The following NFIB variants were observed in gnomAD, a reference collection of about 807,000 sequenced individuals.
NFIB encodes nuclear factor 1 B-type.
Under a neutral mutation model 61.5 loss-of-function variants are expected in NFIB, and 11 were observed. The ratio of observed to expected loss-of-function variants is 0.18; its 90% CI spans 0.11 to 0.30. The LOEUF (loss-of-function observed/expected upper bound fraction) is 0.30, where lower values mean the gene tolerates loss of function less well. Among genes scored for constraint, NFIB ranks in the 10% least tolerant of loss-of-function variants. The pLI, the probability that NFIB is intolerant of heterozygous loss-of-function variation, is 1.00. For synonymous variants in NFIB, 260 were observed against 216.5 expected (o/e 1.20, Z -1.76); for missense variants, 471 against 608.9 (o/e 0.77, Z 2.38).
At chr9:14,361,412 A>AT (rs1345765875) in intron 1 of NFIB, 1 of 152,238 alleles carries the variant, frequency 6.6e-6, no homozygotes, top group Non-Finnish European at 1.5e-5. Context: ...TTCAAATATC[A>AT]TATTATTCTT....
the NFIB span, among the ~76,000 whole-genome samples, chr9:14,431,956 AGTAGCCACCAAATGGTGT>A: frequency 6.6e-6 from 1 of 152,214 alleles, no homozygotes; most frequent in Admixed American, 6.5e-5. Flanking sequence ...GGTTGGTGGA[AGTAGCCACCAAATGGTGT>A]GCCTGACTCA....
rs1318189619 is a variant in NFIB, at chr9:14,087,121, T to C, written c.*1188A>G. ...GGATTTGCCTGCCTCTTTGTCTCTA[T>C]AATGCAGATTTTATAGAACCTTTTG... On this transcript the variant is annotated 3_prime_UTR_variant, in exon 11 of 11. Transcript: ENST00000380953. The C allele has an allele frequency of 4.9e-6, 1 of 202,370 alleles. No individual in the cohort carries two copies. The highest frequency in any genetic ancestry group is 1.0e-5 in the Non-Finnish European group (1 of 98,170). 12.5% of individuals were successfully genotyped at this position (202,370 alleles called of 1,614,324 possible).
chr9:14,305,266 A>C (rs1430717825), intron 2 of NFIB, among the ~76,000 whole-genome samples: 1 of 152,216 alleles, frequency 6.6e-6, no homozygotes, highest in East Asian at 1.9e-4. Context: ...GCCTTCAAGC[A>C]ACTTAAAATG....
At chr9:14,512,559 A>G in the NFIB span, among the ~76,000 whole-genome samples, 3 of 152,192 alleles carry the variant, frequency 2.0e-5, no homozygotes, top group Non-Finnish European at 4.4e-5. Context: ...AAATAATAGA[A>G]GTCTTAACAT....
chr9:14,230,785 G>A (rs777675269), intron 2 of NFIB, among the ~76,000 whole-genome samples: 18 of 152,072 alleles, frequency 1.2e-4, no homozygotes, highest in Non-Finnish European at 2.2e-4. Context: ...TGAGAAACAA[G>A]TTTGGAAAGG....
intron 6 of NFIB, among the ~76,000 whole-genome samples, chr9:14,129,132 C>G (rs933335320): frequency 6.6e-6 from 1 of 151,956 alleles, no homozygotes; most frequent in Non-Finnish European, 1.5e-5. Flanking sequence ...GCAAAAGGAA[C>G]CACAAACTCT....
intron 1 of NFIB, among the ~76,000 whole-genome samples, chr9:14,355,867 G>A (rs915285987): frequency 2.0e-5 from 3 of 151,984 alleles, no homozygotes; most frequent in African/African-American, 4.8e-5. Flanking sequence ...TGAGGCAGGA[G>A]AATGGCATGA....
At chr9:14,402,469 A>G (rs1423430799), upstream of NFIB, among the ~76,000 whole-genome samples, 1 of 152,172 alleles carries the variant, frequency 6.6e-6, no homozygotes, top group Non-Finnish European at 1.5e-5. Context: ...AATAATTCTG[A>G]GTATTTTTTG....
At chr9:14,504,475 C>T in the NFIB span, among the ~76,000 whole-genome samples, 4 of 152,096 alleles carry the variant, frequency 2.6e-5, no homozygotes, top group Non-Finnish European at 1.5e-5. Flanking sequence ...GGATGTGTTT[C>T]CATTTGTTTG....
intron 2 of NFIB, among the ~76,000 whole-genome samples, chr9:14,257,907 G>A (rs934120508): frequency 1.3e-5 from 2 of 151,848 alleles, no homozygotes; most frequent in African/African-American, 2.4e-5. Flanking sequence ...TTTTTTTAAC[G>A]GACAAGGTTT....
chr9:14,479,820 G>T, the NFIB span, among the ~76,000 whole-genome samples: 1 of 152,112 alleles, frequency 6.6e-6, no homozygotes, highest in Non-Finnish European at 1.5e-5. Context: ...ACAGCTCTTT[G>T]TAAACACTAC....
chr9:14,268,852 G>A (rs550791451), intron 2 of NFIB, among the ~76,000 whole-genome samples: 1 of 152,260 alleles, frequency 6.6e-6, no homozygotes, highest in East Asian at 1.9e-4. Context: ...CACTGAATTA[G>A]ACATACCCAA....
At chr9:14,119,825 G>A (rs1363296478) in intron 8 of NFIB, among the ~76,000 whole-genome samples, 1 of 152,022 alleles carries the variant, frequency 6.6e-6, no homozygotes, top group East Asian at 1.9e-4. Context: ...TATGTCTAGG[G>A]GAGTGAGAAA....
At chr9:14,499,946 C>T in the NFIB span, among the ~76,000 whole-genome samples, 3 of 152,196 alleles carry the variant, frequency 2.0e-5, no homozygotes, top group Non-Finnish European at 4.4e-5. Context: ...TTAATGAGTG[C>T]TTCCTTGATG....
intron 1 of NFIB, among the ~76,000 whole-genome samples, chr9:14,340,067 G>C (rs1197359601): frequency 1.3e-5 from 2 of 152,208 alleles, no homozygotes; most frequent in Admixed American, 1.3e-4. Flanking sequence ...GTTGTCCAAA[G>C]TTCACCTTTC....
chr9:14,144,085 T>C (rs1250260244), intron 6 of NFIB, among the ~76,000 whole-genome samples: 1 of 151,236 alleles, frequency 6.6e-6, no homozygotes, highest in South Asian at 2.1e-4. Flanking sequence ...AAACATAATA[T>C]GCCTTTACAG....
chr9:14,346,294 C>CCCCG (rs1369069739), intron 1 of NFIB, among the ~76,000 whole-genome samples: 4 of 137,924 alleles, frequency 2.9e-5, no homozygotes, highest in East Asian at 2.0e-4. Flanking sequence ...ACCGACACCC[C>CCCCG]CCCCCCGTAA....
At chr9:14,277,491 A>G (rs1196134325) in intron 2 of NFIB, among the ~76,000 whole-genome samples, 1 of 152,242 alleles carries the variant, frequency 6.6e-6, no homozygotes, top group Non-Finnish European at 1.5e-5. Context: ...CAGACGCACA[A>G]GCATGTACTG....
Position 14,088,004 on chromosome 9 carries a change from A to C in NFIB, c.*305T>G. 2.6e-6 allele frequency: 1 copy of C among 383,962 alleles called. No homozygotes were observed. Among genetic ancestry groups the C allele is most frequent in the Non-Finnish European group, 4.3e-6 (1 of 231,542 alleles). The allele number at this position is 383,962 out of a possible 1,614,324, so 23.8% of individuals were successfully genotyped here. ...ATCTACCATCAGTGAAATATCATCG[A>C]CCCTTTTTATGTCATTACAGTTTCA... On this transcript the variant is annotated 3_prime_UTR_variant, in exon 11 of 11. Coordinates refer to ENST00000380953, the MANE Select transcript of NFIB (RefSeq NM_001190737.2).
Sources: gnomAD v4.1 joint callset for allele counts (sites outside exome capture counted in the v4.1 genomes callset) on GRCh38, gnomAD v4.1.1 for gene constraint, MANE v1.5 for transcripts, NCBI Gene and HGNC (gene_info 2026-07-23, HGNC 2026-07-21) for gene names.